AFG2A: variants seen among roughly 807,000 people sequenced by gnomAD.
The protein encoded by AFG2A is ATPase family gene 2 protein homolog A.
the AFG2A span, among the ~76,000 whole-genome samples, chr4:122,986,060 A>T: frequency 1.6e-4 from 24 of 151,582 alleles, no homozygotes; most frequent in African/African-American, 5.8e-4. Context: ...AGGTTATTTA[A>T]TTTTCATGTA....
chr4:122,981,910 T>C, the AFG2A span, among the ~76,000 whole-genome samples: 1 of 152,022 alleles, frequency 6.6e-6, no homozygotes, highest in Non-Finnish European at 1.5e-5. Flanking sequence ...TTTGGTGGAA[T>C]ATTTAGGGTT....
the AFG2A span, among the ~76,000 whole-genome samples, chr4:123,016,515 T>TA: frequency 2.8e-5 from 4 of 144,618 alleles, no homozygotes; most frequent in Non-Finnish European, 4.5e-5. Flanking sequence ...CCCCACATCT[T>TA]AGACGATGGG....
the AFG2A span, among the ~76,000 whole-genome samples, chr4:123,072,556 G>A: frequency 5.7e-4 from 87 of 152,252 alleles, no homozygotes; most frequent in African/African-American, 2.0e-3. Flanking sequence ...AAAAAAGTGA[G>A]CAAGAAACCT....
chr4:123,174,569 C>G, the AFG2A span, among the ~76,000 whole-genome samples: 1 of 151,958 alleles, frequency 6.6e-6, no homozygotes, highest in African/African-American at 2.4e-5. Flanking sequence ...TAATATGGAA[C>G]TGGCATAGAA....
the AFG2A span, among the ~76,000 whole-genome samples, chr4:122,988,567 T>A: frequency 1.3e-5 from 2 of 151,874 alleles, no homozygotes; most frequent in Non-Finnish European, 2.9e-5. Context: ...CCAAGCTAAT[T>A]TCTGTATTTT....
At chr4:123,156,255 A>G in the AFG2A span, among the ~76,000 whole-genome samples, 6 of 152,148 alleles carry the variant, frequency 3.9e-5, no homozygotes, top group African/African-American at 1.2e-4. Context: ...GAAAAAAAAA[A>G]TGGAGCAAAA....
chr4:123,107,044 C>T, the AFG2A span, among the ~76,000 whole-genome samples: 17 of 152,164 alleles, frequency 1.1e-4, no homozygotes, highest in African/African-American at 4.1e-4. Flanking sequence ...TCTGTGCACC[C>T]GTGACTGGAC....
At chr4:123,254,013 G>T in the AFG2A span, among the ~76,000 whole-genome samples, 2 of 152,118 alleles carry the variant, frequency 1.3e-5, no homozygotes, top group African/African-American at 2.4e-5. Context: ...AAGCTGTGTG[G>T]TTAGCAAGTA....
the AFG2A span, among the ~76,000 whole-genome samples, chr4:123,249,834 A>G: frequency 0.022 from 3,281 of 152,292 alleles, 111 homozygotes; most frequent in African/African-American, 0.074. Flanking sequence ...AGTGTTAGCC[A>G]GGTCTATGCA....
chr4:123,061,695 C>A, the AFG2A span, among the ~76,000 whole-genome samples: 52 of 152,316 alleles, frequency 3.4e-4, no homozygotes, highest in African/African-American at 1.3e-3. Flanking sequence ...CTTTCCACCC[C>A]CCTCACATTT....
chr4:123,242,876 C>T, the AFG2A span, among the ~76,000 whole-genome samples: 1 of 152,084 alleles, frequency 6.6e-6, no homozygotes, highest in African/African-American at 2.4e-5. Flanking sequence ...TATCCAGAAT[C>T]TACAATGAAC....
the AFG2A span, among the ~76,000 whole-genome samples, chr4:123,047,620 C>T: frequency 6.6e-6 from 1 of 151,794 alleles, no homozygotes. Context: ...CTTGCCCAGA[C>T]CACTGTTGTA....
chr4:123,013,330 C>T, the AFG2A span, among the ~76,000 whole-genome samples: 1 of 152,184 alleles, frequency 6.6e-6, no homozygotes, highest in Admixed American at 6.5e-5. Flanking sequence ...GATATGATGG[C>T]TTAGCTTGGG....
the AFG2A span, chr4:122,928,931 G>A: frequency 7.4e-6 from 10 of 1,344,118 alleles, no homozygotes; most frequent in South Asian, 1.5e-4. Context: ...GGTAAAGACT[G>A]TATTTTGCAT....
the AFG2A span, among the ~76,000 whole-genome samples, chr4:122,999,038 T>C: frequency 6.6e-6 from 1 of 151,724 alleles, no homozygotes; most frequent in Non-Finnish European, 1.5e-5. Flanking sequence ...ATTGTGGTTT[T>C]GATTTGCATT....
At chr4:123,006,553 G>A in the AFG2A span, among the ~76,000 whole-genome samples, 1 of 151,648 alleles carries the variant, frequency 6.6e-6, no homozygotes, top group African/African-American at 2.4e-5. Flanking sequence ...TACTTTTTTT[G>A]TTTGGTTTTT....
chr4:123,058,054 T>C, the AFG2A span, among the ~76,000 whole-genome samples: 1 of 152,208 alleles, frequency 6.6e-6, no homozygotes, highest in Non-Finnish European at 1.5e-5. Context: ...ATTGCTGTTA[T>C]CATCCTTCTT....
chr4:123,240,641 A>C, the AFG2A span, among the ~76,000 whole-genome samples: 1 of 152,236 alleles, frequency 6.6e-6, no homozygotes, highest in Admixed American at 6.5e-5. Context: ...CAGTGTGTAG[A>C]GGGAAATTTA....
the AFG2A span, among the ~76,000 whole-genome samples, chr4:123,204,050 A>G: frequency 6.6e-6 from 1 of 152,156 alleles, no homozygotes. Context: ...CTTCGAAGTC[A>G]CATCTTCATC....
Sources: allele counts gnomAD v4.1 joint callset (sites outside exome capture counted in the v4.1 genomes callset), GRCh38; gene constraint gnomAD v4.1.1; transcripts MANE v1.5; gene names NCBI Gene and HGNC (gene_info 2026-07-23, HGNC 2026-07-21).